Variants in NEK1 observed in about 807,000 individuals in gnomAD.
NEK1 encodes NIMA related kinase 1.
In NEK1, 137 loss-of-function variants were observed where a neutral mutation model predicts 182.1. The observed-to-expected ratio is 0.75, with a 90% CI of 0.65 to 0.87. The LOEUF (loss-of-function observed/expected upper bound fraction) is 0.87. Among genes scored for constraint, NEK1 ranks in the 40% least tolerant of loss-of-function variants. The pLI is 0.00. For missense variants in NEK1, 1,391 were observed against 1,494.4 expected (o/e 0.93, Z 1.14); for synonymous variants, 513 against 492.2 (o/e 1.04, Z -0.56).
chr4:169,608,039 T>G (rs1771675131), intron 2 of NEK1, among the ~76,000 whole-genome samples: 1 of 151,910 alleles, frequency 6.6e-6, no homozygotes, highest in East Asian at 1.9e-4. Context: ...CAGTTAATGC[T>G]GTCCTAATAA....
chr4:169,562,129 C>T lies in NEK1; in HGVS notation c.1080+8G>A. The T allele has an allele frequency of 6.6e-7, 1 of 1,520,614 alleles. No homozygotes were observed. Among genetic ancestry groups the T allele is most frequent in the Non-Finnish European group, 8.9e-7 (1 of 1,123,138 alleles). 94.2% of individuals were successfully genotyped at this position (1,520,614 alleles called of 1,614,324 possible). A position where few individuals can be genotyped will look rare whatever the true frequency, so the allele number is the denominator to read the frequency against. On this transcript the variant is annotated splice_region_variant and intron_variant, in intron 13 of 35. Coordinates refer to ENST00000507142, the MANE Select transcript of NEK1 (RefSeq NM_001199397.3). The stretch of plus-strand genomic sequence containing the variant: ...AGCTTTAAAATAACCAGACAGATGT[C>T]TTTATACCTCAGATATTTTCCTCCT...
chr4:169,445,722 T>A (rs541061023), intron 27 of NEK1, among the ~76,000 whole-genome samples: 1 of 151,584 alleles, frequency 6.6e-6, no homozygotes, highest in South Asian at 2.1e-4. Context: ...AAAACAAAAC[T>A]ATCAGGTACT....
chr4:169,441,098 A>G (rs1029123010), intron 27 of NEK1, among the ~76,000 whole-genome samples: 3 of 152,114 alleles, frequency 2.0e-5, no homozygotes, highest in African/African-American at 7.2e-5. Flanking sequence ...ACAGTCCTAC[A>G]CCACAGGAAA....
intron 23 of NEK1, among the ~76,000 whole-genome samples, chr4:169,498,034 G>A (rs112613946): frequency 0.19 from 29,465 of 152,048 alleles, 4,298 homozygotes; most frequent in African/African-American, 0.41. Flanking sequence ...TTATTGTGTG[G>A]GAGTCTAAGT....
At chr4:169,468,837 T>G (rs1745402581) in intron 26 of NEK1, among the ~76,000 whole-genome samples, 1 of 152,062 alleles carries the variant, frequency 6.6e-6, no homozygotes, top group Non-Finnish European at 1.5e-5. Flanking sequence ...TCTTCCTAGT[T>G]TAGTCTTGGG....
At chr4:169,548,973 T>C (rs1561392703) in intron 18 of NEK1, among the ~76,000 whole-genome samples, 1 of 151,924 alleles carries the variant, frequency 6.6e-6, no homozygotes, top group African/African-American at 2.4e-5. Flanking sequence ...TCTAGGGGAG[T>C]GAACAGTTAT....
intron 31 of NEK1, 54 bp downstream of exon 31, chr4:169,424,499 C>G (rs1180540332): frequency 4.7e-6 from 7 of 1,497,246 alleles, no homozygotes; most frequent in African/African-American, 1.4e-5. Context: ...AAAAGAAAAA[C>G]AATAATACAT....
intron 19 of NEK1, among the ~76,000 whole-genome samples, chr4:169,534,941 A>G (rs1415666149): frequency 6.6e-6 from 1 of 152,196 alleles, no homozygotes; most frequent in Non-Finnish European, 1.5e-5. Flanking sequence ...TGCTATTGTA[A>G]TTATATTCCG....
Position 169,463,255 on chromosome 4 carries a change from T to C in NEK1, c.2575A>G (p.Thr859Ala). Residue 859 changes from threonine to alanine, a missense_variant, in exon 27 of 36, where the codon ACT becomes GCT. By Grantham distance (58) the Thr-to-Ala change is moderately conservative. Around this residue, in one of 5 missense-constraint regions of NEK1, gnomAD observed 1,216 missense variants for 1,277.6 expected, o/e 0.95. Coordinates refer to ENST00000507142, the MANE Select transcript of NEK1 (RefSeq NM_001199397.3). ...QLQTELLENT[T>A]IRSEISPEGE... ...AGTTTCTCCTTACCACTTCTAATAG[T>C]TGTATTTTCTAATAGTTCTGTCTGA... 6.4e-7 allele frequency: 1 copy of C among 1,564,526 alleles called. No homozygotes were observed.
At chr4:169,484,156 C>T (rs1344133019) in intron 23 of NEK1, among the ~76,000 whole-genome samples, 3 of 152,134 alleles carry the variant, frequency 2.0e-5, no homozygotes, top group African/African-American at 4.8e-5. Context: ...TTATTTAAAT[C>T]AGTAATCACT....
chr4:169,563,668 C>T (rs1427284798), intron 12 of NEK1, among the ~76,000 whole-genome samples: 1 of 152,190 alleles, frequency 6.6e-6, no homozygotes, highest in African/African-American at 2.4e-5. Context: ...TTGTTCCTGA[C>T]TTTAATGATA....
intron 12 of NEK1, among the ~76,000 whole-genome samples, chr4:169,571,048 C>T (rs1764725085): frequency 6.6e-6 from 1 of 151,892 alleles, no homozygotes; most frequent in African/African-American, 2.4e-5. Flanking sequence ...CTGCGGAAGG[C>T]TGCAGGGTCC....
intron 26 of NEK1, among the ~76,000 whole-genome samples, chr4:169,466,098 A>T (rs56120303): frequency 6.6e-6 from 1 of 152,116 alleles, no homozygotes; most frequent in Non-Finnish European, 1.5e-5. Flanking sequence ...ACTGAATTCC[A>T]TATGTTCAAC....
intron 23 of NEK1, among the ~76,000 whole-genome samples, chr4:169,497,352 C>A (rs1476120649): frequency 1.3e-5 from 2 of 152,078 alleles, no homozygotes; most frequent in Admixed American, 6.6e-5. Flanking sequence ...TTTCAAAAAA[C>A]CAGCTCCTAG....
intron 12 of NEK1, among the ~76,000 whole-genome samples, chr4:169,569,204 C>A (rs893556898): frequency 6.6e-6 from 1 of 152,088 alleles, no homozygotes; most frequent in Non-Finnish European, 1.5e-5. Flanking sequence ...TATGTAGGTA[C>A]AGAATCAATT....
At chr4:169,492,369 A>G (rs1296641926) in intron 23 of NEK1, among the ~76,000 whole-genome samples, 1 of 152,170 alleles carries the variant, frequency 6.6e-6, no homozygotes, top group Non-Finnish European at 1.5e-5. Flanking sequence ...GATTGGGTGG[A>G]GAGAAAGAAA....
intron 28 of NEK1, 76 bp downstream of exon 28, chr4:169,438,007 A>C (rs978484363): frequency 1.8e-6 from 2 of 1,085,864 alleles, no homozygotes; most frequent in Non-Finnish European, 1.3e-6. Flanking sequence ...AAATTTTGAT[A>C]ATCTGTTTAT....
At chr4:169,455,166 G>C (rs1056589972) in intron 27 of NEK1, among the ~76,000 whole-genome samples, 1 of 152,140 alleles carries the variant, frequency 6.6e-6, no homozygotes, top group Non-Finnish European at 1.5e-5. Flanking sequence ...ATCACACACT[G>C]GGGCATGTTG....
intron 27 of NEK1, among the ~76,000 whole-genome samples, chr4:169,448,684 G>A (rs1318453433): frequency 1.3e-5 from 2 of 152,104 alleles, no homozygotes; most frequent in Admixed American, 1.3e-4. Flanking sequence ...GACTCAACAG[G>A]AGTTCCAAGA....
Sources: allele counts gnomAD v4.1 joint callset (sites outside exome capture counted in the v4.1 genomes callset), GRCh38; gene constraint gnomAD v4.1.1; regional missense constraint gnomAD v4.1.1; transcripts MANE v1.5; gene names NCBI Gene and HGNC (gene_info 2026-07-23, HGNC 2026-07-21).